The following PPM1E variants were observed in gnomAD, a reference collection of about 807,000 sequenced individuals.
PPM1E encodes the protein protein phosphatase 1E.
In PPM1E, 20 loss-of-function variants were observed where a neutral mutation model predicts 65.9. That is an observed-to-expected ratio of 0.30 (90% CI 0.21 to 0.44). PPM1E has a LOEUF of 0.44. Ranked by LOEUF, PPM1E falls within the 20% of genes least tolerant of loss-of-function variation. The pLI is 1.00. For missense variants in PPM1E, 713 were observed against 953.1 expected, an observed-to-expected ratio of 0.75 and a Z score of 3.32; for synonymous variants, 352 against 374.9, an observed-to-expected ratio of 0.94 and a Z score of 0.70.
intron 1 of PPM1E, among the ~76,000 whole-genome samples, chr17:58,774,562 A>C (rs2144186249): frequency 6.6e-6 from 1 of 152,312 alleles, no homozygotes; most frequent in Admixed American, 6.6e-5. Flanking sequence ...CTAGATGCAA[A>C]GATTGCCTTT....
chr17:58,909,090 T>C (rs2051592708), intron 1 of PPM1E, among the ~76,000 whole-genome samples: 1 of 150,994 alleles, frequency 6.6e-6, no homozygotes, highest in Admixed American at 6.6e-5. Flanking sequence ...TTTTGTGCCC[T>C]TTTTTTTTAT....
intron 1 of PPM1E, among the ~76,000 whole-genome samples, chr17:58,807,897 A>G (rs1371414792): frequency 6.6e-6 from 1 of 152,226 alleles, no homozygotes; most frequent in African/African-American, 2.4e-5. Context: ...CATCCCAGGT[A>G]GGCAAAATGT....
intron 1 of PPM1E, among the ~76,000 whole-genome samples, chr17:58,796,229 A>T (rs1246527211): frequency 6.6e-6 from 1 of 152,132 alleles, no homozygotes; most frequent in East Asian, 1.9e-4. Flanking sequence ...TTTTTTGTAG[A>T]GACAGGGTCT....
At chr17:58,923,547 A>G (rs1395511665) in intron 1 of PPM1E, among the ~76,000 whole-genome samples, 1 of 151,760 alleles carries the variant, frequency 6.6e-6, no homozygotes, top group Non-Finnish European at 1.5e-5. Context: ...GGAGTTCAAG[A>G]CCAGCCTGGC....
intron 3 of PPM1E, chr17:58,966,799 T>G (rs2030284360): frequency 6.5e-6 from 1 of 153,042 alleles, no homozygotes; most frequent in African/African-American, 2.4e-5. Flanking sequence ...AATTACAATG[T>G]AGTAATTTAT....
At chr17:58,918,036 T>C (rs932563061) in intron 1 of PPM1E, among the ~76,000 whole-genome samples, 4 of 152,218 alleles carry the variant, frequency 2.6e-5, no homozygotes, top group African/African-American at 9.6e-5. Flanking sequence ...TCTCATTTTG[T>C]CCCTAGTTGC....
intron 1 of PPM1E, among the ~76,000 whole-genome samples, chr17:58,841,520 ACT>A (rs1491214120): frequency 6.5e-4 from 94 of 144,178 alleles, no homozygotes; most frequent in Middle Eastern, 3.7e-3. Context: ...AAAAACAAAT[ACT>A]TTTTTTTTTT....
At chr17:58,886,459 T>A (rs1223086077) in intron 1 of PPM1E, among the ~76,000 whole-genome samples, 1 of 152,180 alleles carries the variant, frequency 6.6e-6, no homozygotes, top group Non-Finnish European at 1.5e-5. Flanking sequence ...CAGGATCCAA[T>A]GGAAAGAGTT....
At chr17:58,916,213 T>A (rs1483335778) in intron 1 of PPM1E, among the ~76,000 whole-genome samples, 1 of 152,244 alleles carries the variant, frequency 6.6e-6, no homozygotes, top group Non-Finnish European at 1.5e-5. Flanking sequence ...ACAAGTAAGC[T>A]GCTATTAGCT....
At chr17:58,842,494 T>G (rs1264839520) in intron 1 of PPM1E, among the ~76,000 whole-genome samples, 1 of 152,168 alleles carries the variant, frequency 6.6e-6, no homozygotes, top group Non-Finnish European at 1.5e-5. Flanking sequence ...TGCTACACTA[T>G]CTACTCAATT....
At chr17:58,799,329 G>C (rs2050236691) in intron 1 of PPM1E, among the ~76,000 whole-genome samples, 1 of 152,004 alleles carries the variant, frequency 6.6e-6, no homozygotes, top group Non-Finnish European at 1.5e-5. Context: ...ACCCAGGCTG[G>C]AGTGCAGTGG....
intron 1 of PPM1E, among the ~76,000 whole-genome samples, chr17:58,826,304 C>CAAAAAAAAAAAAAAAAAAAAAAAA (rs11479413): frequency 9.0e-6 from 1 of 111,044 alleles, no homozygotes; most frequent in Non-Finnish European, 1.8e-5. Flanking sequence ...GACTCGATCT[C>CAAAAAAAAAAAAAAAAAAAAAAAA]AAAAAAAAAA....
At chr17:58,904,856 C>CA (rs71367643) in intron 1 of PPM1E, among the ~76,000 whole-genome samples, 31,316 of 104,016 alleles carry the variant, frequency 0.3, 3,475 homozygotes, top group Non-Finnish European at 0.31. Flanking sequence ...ACTAAAAATA[C>CA]AAAAAAAAAA....
At chr17:58,823,181 T>C (rs563900692) in intron 1 of PPM1E, among the ~76,000 whole-genome samples, 3 of 152,288 alleles carry the variant, frequency 2.0e-5, no homozygotes, top group African/African-American at 7.2e-5. Flanking sequence ...AAAAATGAGG[T>C]TTTCATTTCT....
intron 1 of PPM1E, among the ~76,000 whole-genome samples, chr17:58,891,914 C>A (rs2051352598): frequency 1.4e-5 from 2 of 138,004 alleles, no homozygotes; most frequent in East Asian, 2.1e-4. Flanking sequence ...CAGTTCACTG[C>A]AACCTGCACC....
At chr17:58,778,929 T>TAC (rs1203163412) in intron 1 of PPM1E, among the ~76,000 whole-genome samples, 8 of 43,964 alleles carry the variant, frequency 1.8e-4, no homozygotes, top group South Asian at 8.6e-4. Context: ...GATACATACA[T>TAC]ATATATATAT....
At chr17:58,808,007 A>C (rs934921165) in intron 1 of PPM1E, among the ~76,000 whole-genome samples, 3 of 152,194 alleles carry the variant, frequency 2.0e-5, no homozygotes, top group African/African-American at 7.2e-5. Context: ...CTGAAGTTGC[A>C]AATGCCCTTT....
intron 1 of PPM1E, among the ~76,000 whole-genome samples, chr17:58,924,776 G>T: frequency 7.6e-6 from 1 of 131,054 alleles, no homozygotes; most frequent in Non-Finnish European, 1.5e-5. Context: ...CCCTCCCTGT[G>T]TCCATGTGTT....
At chr17:58,948,607 CAG>C (rs903040967) in intron 1 of PPM1E, among the ~76,000 whole-genome samples, 1 of 152,158 alleles carries the variant, frequency 6.6e-6, no homozygotes, top group African/African-American at 2.4e-5. Flanking sequence ...CTTATGGTCA[CAG>C]AAAGTTTTTA....
Sources: allele counts gnomAD v4.1 joint callset (sites outside exome capture counted in the v4.1 genomes callset), GRCh38; gene constraint gnomAD v4.1.1; transcripts MANE v1.5; gene names NCBI Gene and HGNC (gene_info 2026-07-23, HGNC 2026-07-21).